Variants in MTERF4 observed in about 807,000 individuals in gnomAD.
MTERF4 encodes transcription termination factor 4, mitochondrial.
MTERF4 carries 17 observed loss-of-function variants against 22.5 expected under a neutral mutation model. That is an observed-to-expected ratio of 0.75 (90% CI 0.52 to 1.13). MTERF4 has a LOEUF of 1.13. Among genes scored for constraint, MTERF4 ranks in the 50% most tolerant of loss-of-function variants. The pLI, the probability that MTERF4 is intolerant of heterozygous loss-of-function variation, is 0.00. For missense variants in MTERF4, 420 were observed against 466.8 expected (o/e 0.90, Z 0.92); for synonymous variants, 165 against 175.3 (o/e 0.94, Z 0.47).
At chr2:241,069,632 G>C (rs958912510), downstream of MTERF4, among the ~76,000 whole-genome samples, 6 of 152,198 alleles carry the variant, frequency 3.9e-5, no homozygotes, top group Non-Finnish European at 8.8e-5. The surrounding 1 kb of genome is among the most constrained non-coding windows in gnomAD (Gnocchi z 4.9). Flanking sequence ...CAGGGGAACC[G>C]ACTGTGCCGC....
chr2:241,087,354 T>C (rs1404226593), downstream of MTERF4: 3 of 1,556,486 alleles, frequency 1.9e-6, no homozygotes, highest in Admixed American at 2.0e-5. Flanking sequence ...ACATTTTGCT[T>C]CACTGTCTGG....
At chr2:241,084,134 A>ATT (rs368364855), downstream of MTERF4, among the ~76,000 whole-genome samples, 455 of 123,276 alleles carry the variant, frequency 3.7e-3, 4 homozygotes, top group Middle Eastern at 0.013. Flanking sequence ...AGCGTCTAGG[A>ATT]TTTTTTTTTT....
downstream of MTERF4, chr2:241,069,013 C>T (rs369014744): frequency 5.7e-5 from 89 of 1,549,974 alleles, no homozygotes; most frequent in African/African-American, 8.2e-5. The surrounding 1 kb of genome is among the most constrained non-coding windows in gnomAD (Gnocchi z 4.9). Flanking sequence ...CGCCGACGCA[C>T]GTGTGGACCC....
At chr2:241,089,872 C>T (rs896041620), downstream of MTERF4, 7 of 1,471,250 alleles carry the variant, frequency 4.8e-6, no homozygotes, top group African/African-American at 5.7e-5. Flanking sequence ...CACACCACAG[C>T]GTGTTACTGA....
chr2:241,086,337 C>T (rs1240959214), downstream of MTERF4, among the ~76,000 whole-genome samples: 2 of 146,372 alleles, frequency 1.4e-5, no homozygotes, highest in Admixed American at 6.9e-5. Flanking sequence ...TTCTGGAGTT[C>T]CTCCTCTGCA....
Position 241,099,755 on chromosome 2 carries a change from T to A in MTERF4, c.161A>T (p.Glu54Val). The change falls in exon 2 of 4, where the codon GAG becomes GTG. Residue 54 changes from glutamate (E) to valine (V), a missense_variant. Physicochemically the swap from Glu to Val is moderately radical, Grantham distance 121. Transcript: ENST00000391980. ...GTTATTGGATCTAACACAAGATAAC[T>A]CCTCAATGACCCCTCCATTGGAGGC... The part of the protein sequence containing the change: ...TTASNGGVIE[E>V]LSCVRSNNYV... 1 of 1,614,146 alleles carries A rather than the reference T, an allele frequency of 6.2e-7. No homozygotes were observed. Among genetic ancestry groups the A allele is most frequent in the Non-Finnish European group, 8.5e-7 (1 of 1,180,020 alleles).
chr2:241,067,137 A>T, the MTERF4 span, among the ~76,000 whole-genome samples: 3 of 152,134 alleles, frequency 2.0e-5, no homozygotes. Flanking sequence ...CCCGCTGCAG[A>T]GTTGGGGCTC....
At chr2:241,070,020 T>C (rs746185231), downstream of MTERF4, 5 of 1,612,894 alleles carry the variant, frequency 3.1e-6, no homozygotes, top group African/African-American at 1.3e-5. Flanking sequence ...TGGAGGCTTA[T>C]GTCATCAATG....
chr2:241,093,207 C>T (rs945152128), downstream of MTERF4: 3 of 152,632 alleles, frequency 2.0e-5, no homozygotes, highest in Non-Finnish European at 4.4e-5. Flanking sequence ...TGAAGGGTCT[C>T]GAGCTCAGCG....
At position 241,095,731 on chromosome 2, in the gene MTERF4, G is replaced by T. The variant is rs2240538; in HGVS notation, c.*267C>A. The stretch of plus-strand genomic sequence containing the variant: ...TGTTGATATATTGAGTCCCCTTGAT[G>T]TGAATAGCTCAACATAAGTATCTTA... On this transcript the variant is annotated 3_prime_UTR_variant, in exon 4 of 4. Coordinates refer to ENST00000391980, the MANE Select transcript of MTERF4 (RefSeq NM_182501.4). 116,149 of 477,636 alleles carry T rather than the reference G, an allele frequency of 0.24. 21,259 individuals are homozygous for T. Among genetic ancestry groups the T allele is most frequent in the African/African-American group, 0.64 (32,090 of 50,468 alleles). The allele number at this position is 477,636 out of a possible 1,614,324, so 29.6% of individuals were successfully genotyped here.
downstream of MTERF4, chr2:241,089,489 T>C (rs1453869340): frequency 2.0e-6 from 3 of 1,490,484 alleles, no homozygotes; most frequent in East Asian, 7.4e-5. Flanking sequence ...GGGGGAAAGG[T>C]CTGGGCCGGA....
the MTERF4 span, among the ~76,000 whole-genome samples, chr2:241,057,247 T>C: frequency 0.62 from 93,498 of 151,040 alleles, 30,198 homozygotes; most frequent in African/African-American, 0.81. Flanking sequence ...GGCATGGTGG[T>C]GGGCACCTGT....
exon 5 of MTERF4, chr2:241,074,451 A>T (rs963460874): frequency 6.6e-6 from 1 of 152,142 alleles, no homozygotes; most frequent in African/African-American, 2.4e-5. Flanking sequence ...GTGAACTAAA[A>T]CAAACATTTC....
In MTERF4 at chr2:241,096,076, A is replaced by G. The variant is rs2064398430; in HGVS notation, c.1068T>C (p.Asn356=). The G allele has an allele frequency of 1.9e-6, 3 of 1,604,728 alleles. No individual in the cohort carries two copies. The highest frequency in any genetic ancestry group is 2.5e-6 in the Non-Finnish European group (3 of 1,178,906). The change falls in exon 4 of 4, where the codon AAT becomes AAC. Residue 356 remains asparagine, a synonymous_variant. Coordinates refer to ENST00000391980, the MANE Select transcript of MTERF4 (RefSeq NM_182501.4). This position sits in a 1 kb window ranked among gnomAD's most constrained non-coding sequence, Gnocchi z 5.1. ...CGTCCTCATCATCGTCATCCTCATC[A>G]TTGTCATCCTCATCATTGTCCTCCT... ...DDEEDNDEDD[N]DEDDDDEDDD...
intron 1 of MTERF4, among the ~76,000 whole-genome samples, chr2:241,101,546 C>T (rs2064708475): frequency 6.6e-6 from 1 of 152,226 alleles, no homozygotes; most frequent in Non-Finnish European, 1.5e-5. Flanking sequence ...CATCGATTGT[C>T]GCCCTGGGGC....
At chr2:241,068,732 C>A (rs955166131), downstream of MTERF4, among the ~76,000 whole-genome samples, 4 of 152,178 alleles carry the variant, frequency 2.6e-5, no homozygotes, top group African/African-American at 9.7e-5. This position sits in a 1 kb window ranked among gnomAD's most constrained non-coding sequence, Gnocchi z 5.3. Context: ...GGCTTCCCGC[C>A]CTAGGAGCAC....
At chr2:241,065,357 C>T in the MTERF4 span, 3 of 1,613,134 alleles carry the variant, frequency 1.9e-6, no homozygotes, top group Non-Finnish European at 2.5e-6. Context: ...GGGTCTCTAT[C>T]TCCTGGAACC....
intron 4 of MTERF4, among the ~76,000 whole-genome samples, chr2:241,077,116 C>T (rs2125276385): frequency 6.6e-6 from 1 of 151,260 alleles, no homozygotes; most frequent in South Asian, 2.1e-4. Flanking sequence ...TGGAAATAAA[C>T]CACACGTCAA....
At chr2:241,070,287 C>G, downstream of MTERF4, 1 of 1,370,438 alleles carries the variant, frequency 7.3e-7, no homozygotes, top group Non-Finnish European at 9.8e-7. Context: ...CCTGCAGGGG[C>G]CTGGGATGCC....
Sources: gnomAD v4.1 joint callset for allele counts (sites outside exome capture counted in the v4.1 genomes callset) on GRCh38, gnomAD v4.1.1 for gene constraint, Gnocchi (gnomAD v3.1) non-coding constraint, MANE v1.5 for transcripts, NCBI Gene and HGNC (gene_info 2026-07-23, HGNC 2026-07-21) for gene names.